The following CPEB3 variants were observed in gnomAD, a reference collection of about 807,000 sequenced individuals.
CPEB3 encodes the protein cytoplasmic polyadenylation element binding protein 3.
CPEB3 carries 20 observed loss-of-function variants against 67.2 expected under a neutral mutation model. The observed-to-expected ratio is 0.30, with a 90% CI of 0.21 to 0.43. The LOEUF (loss-of-function observed/expected upper bound fraction) is 0.43. Ranked by LOEUF, CPEB3 falls within the 20% of genes least tolerant of loss-of-function variation. The pLI, the probability that CPEB3 is intolerant of heterozygous loss-of-function variation, is 1.00. For synonymous variants in CPEB3, 376 were observed against 393.1 expected, an observed-to-expected ratio of 0.96 and a Z score of 0.51; for missense variants, 746 against 968.6, an observed-to-expected ratio of 0.77 and a Z score of 3.05.
At chr10:92,064,345 A>T (rs1047121376) in intron 9 of CPEB3, among the ~76,000 whole-genome samples, 3 of 152,176 alleles carry the variant, frequency 2.0e-5, no homozygotes, top group African/African-American at 7.2e-5. Context: ...AGTAGGTGAG[A>T]AGTAGTATGG....
chr10:92,083,736 A>G (rs1362524446), intron 8 of CPEB3, among the ~76,000 whole-genome samples: 1 of 152,228 alleles, frequency 6.6e-6, no homozygotes, highest in Admixed American at 6.5e-5. Flanking sequence ...GAATGCTGGC[A>G]AGGAATTGAA....
intron 2 of CPEB3, among the ~76,000 whole-genome samples, chr10:92,212,994 T>C (rs1850170452): frequency 6.6e-6 from 1 of 152,224 alleles, no homozygotes; most frequent in Admixed American, 6.5e-5. Flanking sequence ...TCTATGTAGC[T>C]TGCAGTCTAT....
chr10:92,260,611 C>A (rs1473588248), intron 1 of CPEB3, among the ~76,000 whole-genome samples: 1 of 150,218 alleles, frequency 6.7e-6, no homozygotes, highest in Non-Finnish European at 1.5e-5. Flanking sequence ...TTGTTTTATT[C>A]TTCTTCTTTT....
In CPEB3 at chr10:92,270,781, G is replaced by T. The variant is rs565649347; in HGVS notation, c.-12+20145C>A. Among the ~76,000 whole-genome samples the T allele has an allele frequency of 2.6e-4, 39 of 151,964 alleles. 2 individuals are homozygous for T. The South Asian group carries it at 7.9e-3, about 31-fold the overall frequency. ...GATGGGGTTTCGCCAGGTTGCCCAG[G>T]CTCATCTCAAACTCCTGAGCTCAAG... On this transcript the variant is annotated intron_variant, in intron 1 of 9. Transcript: ENST00000265997.
chr10:92,110,967 G>A (rs1844709912), intron 7 of CPEB3, 109 bp downstream of exon 7: 2 of 843,748 alleles, frequency 2.4e-6, no homozygotes, highest in East Asian at 4.8e-5. Context: ...AGGCCAAGCT[G>A]GGTAAGAGGA....
intron 9 of CPEB3, among the ~76,000 whole-genome samples, chr10:92,060,587 T>C (rs983737706): frequency 6.6e-6 from 1 of 152,026 alleles, no homozygotes; most frequent in Non-Finnish European, 1.5e-5. Flanking sequence ...ACCCACTGAA[T>C]GGGAGAAAAT....
At chr10:92,227,337 T>C (rs148488851) in intron 2 of CPEB3, among the ~76,000 whole-genome samples, 2 of 152,244 alleles carry the variant, frequency 1.3e-5, no homozygotes, top group Non-Finnish European at 2.9e-5. Flanking sequence ...TGGTCCCCTA[T>C]ATTTGTGTTA....
intron 1 of CPEB3, among the ~76,000 whole-genome samples, chr10:92,241,250 G>A (rs969368468): frequency 6.9e-6 from 1 of 143,934 alleles, no homozygotes. Flanking sequence ...CTGCAGAGTG[G>A]AGAAATGCTT....
At chr10:92,181,191 A>G (rs1030510897) in intron 3 of CPEB3, among the ~76,000 whole-genome samples, 172 bp from the exon 4 acceptor site, 1 of 152,056 alleles carries the variant, frequency 6.6e-6, no homozygotes, top group African/African-American at 2.4e-5. Flanking sequence ...ATACACATGA[A>G]AAGTCTTAAA....
At chr10:92,236,317 C>T (rs983463313) in intron 2 of CPEB3, among the ~76,000 whole-genome samples, 1 of 152,206 alleles carries the variant, frequency 6.6e-6, no homozygotes, top group Non-Finnish European at 1.5e-5. Context: ...CTCAGGATCT[C>T]AGTCTCCCTA....
intron 4 of CPEB3, among the ~76,000 whole-genome samples, chr10:92,155,887 A>G (rs1847184793): frequency 6.6e-6 from 1 of 152,166 alleles, no homozygotes; most frequent in South Asian, 2.1e-4. Flanking sequence ...AAGCTTAGAA[A>G]CTATAGGCGA....
At chr10:92,242,919 GT>G (rs761938004) in intron 1 of CPEB3, among the ~76,000 whole-genome samples, 3 of 152,074 alleles carry the variant, frequency 2.0e-5, no homozygotes, top group African/African-American at 4.8e-5. Flanking sequence ...CAAACAAAAG[GT>G]AAGCAATAGA....
At chr10:92,288,235 GGA>G (rs1047089837) in intron 1 of CPEB3, among the ~76,000 whole-genome samples, 1 of 152,106 alleles carries the variant, frequency 6.6e-6, no homozygotes, top group African/African-American at 2.4e-5. Flanking sequence ...CGAGGTGGGA[GGA>G]TCATTTGTGC....
chr10:92,150,067 A>G (rs899540459), intron 4 of CPEB3, among the ~76,000 whole-genome samples: 5 of 152,232 alleles, frequency 3.3e-5, no homozygotes, highest in Admixed American at 3.3e-4. Flanking sequence ...GGCAGAACAA[A>G]AAGTCTGCAG....
At chr10:92,278,525 C>T (rs1842099917) in intron 1 of CPEB3, among the ~76,000 whole-genome samples, 1 of 151,540 alleles carries the variant, frequency 6.6e-6, no homozygotes, top group Non-Finnish European at 1.5e-5. Flanking sequence ...TTGTTCATTG[C>T]TAATTTACAT....
At chr10:92,234,669 C>T (rs1851441069) in intron 2 of CPEB3, among the ~76,000 whole-genome samples, 1 of 152,186 alleles carries the variant, frequency 6.6e-6, no homozygotes, top group Non-Finnish European at 1.5e-5. Flanking sequence ...TGGCTCATGC[C>T]TGTAATCCCA....
At chr10:92,232,944 A>C (rs1173732185) in intron 2 of CPEB3, among the ~76,000 whole-genome samples, 2 of 152,216 alleles carry the variant, frequency 1.3e-5, no homozygotes, top group Non-Finnish European at 2.9e-5. Context: ...TTTGAAGTAT[A>C]TAGTTTTATA....
At chr10:92,189,262 C>T (rs1480682038) in intron 3 of CPEB3, among the ~76,000 whole-genome samples, 4 of 152,208 alleles carry the variant, frequency 2.6e-5, no homozygotes, top group Admixed American at 2.6e-4. Context: ...AATGGTAAGA[C>T]GTTTATCCTT....
At chr10:92,125,864 C>T (rs1298160195) in intron 6 of CPEB3, among the ~76,000 whole-genome samples, 2 of 152,080 alleles carry the variant, frequency 1.3e-5, no homozygotes, top group African/African-American at 4.8e-5. Flanking sequence ...GCTGGGACTA[C>T]AGGCATATGT....
Sources: allele counts gnomAD v4.1 joint callset (sites outside exome capture counted in the v4.1 genomes callset), GRCh38; gene constraint gnomAD v4.1.1; transcripts MANE v1.5; gene names NCBI Gene and HGNC (gene_info 2026-07-23, HGNC 2026-07-21).